RBM20: variants seen among roughly 807,000 people sequenced by gnomAD.
RBM20 encodes the protein RNA binding motif protein 20.
A neutral mutation model predicts 110.1 loss-of-function variants in RBM20; 51 were observed. That is an observed-to-expected ratio of 0.46 (90% CI 0.37 to 0.59). The LOEUF is 0.59. RBM20 is among the 20% of genes least tolerant of loss of function. RBM20 has a pLI of 0.00. For missense variants in RBM20, 1,512 were observed against 1,574.9 expected, an observed-to-expected ratio of 0.96 and a Z score of 0.68; for synonymous variants, 589 against 618.2, an observed-to-expected ratio of 0.95 and a Z score of 0.70.
intron 1 of RBM20, among the ~76,000 whole-genome samples, chr10:110,760,055 G>T (rs1843974922): frequency 6.6e-6 from 1 of 152,170 alleles, no homozygotes; most frequent in Non-Finnish European, 1.5e-5. Context: ...GTACCAAGAA[G>T]CTATCTTGAT....
Position 110,839,141 on chromosome 10 carries a change from G to A in RBM20, c.*3163G>A, listed in dbSNP as rs1845172240. On this transcript the variant is annotated 3_prime_UTR_variant, in exon 14 of 14. Transcript: ENST00000369519. ...CTTTTCATTGTTAACACCCAAAATA[G>A]CATCTATCTAGACAGTATCCCCAAA... is the stretch of plus-strand genomic sequence containing the variant. 3 of 152,178 alleles carry A rather than the reference G, an allele frequency of 2.0e-5. No individual in the cohort carries two copies. Among genetic ancestry groups the A allele is most frequent in the Non-Finnish European group, 4.4e-5 (3 of 68,034 alleles). The allele number at this position is 152,178 out of a possible 1,614,324, so 9.4% of individuals were successfully genotyped here. A position where few individuals can be genotyped will look rare whatever the true frequency, so the allele number is the denominator to read the frequency against.
chr10:110,763,222 C>T (rs955464682), intron 1 of RBM20, among the ~76,000 whole-genome samples: 4 of 152,006 alleles, frequency 2.6e-5, no homozygotes, highest in East Asian at 3.9e-4. Flanking sequence ...TTTTTCAGTG[C>T]GACTATAGAA....
intron 1 of RBM20, among the ~76,000 whole-genome samples, chr10:110,666,477 T>C (rs1862181015): frequency 6.6e-6 from 1 of 152,110 alleles, no homozygotes; most frequent in African/African-American, 2.4e-5. Context: ...ACCCCATGTC[T>C]ACAGAAAGTT....
chr10:110,810,569 C>A, intron 8 of RBM20, 107 bp downstream of exon 8: 1 of 704,114 alleles, frequency 1.4e-6, no homozygotes, highest in Non-Finnish European at 2.3e-6. Flanking sequence ...TGTTCTTGCC[C>A]CTACCCCATC....
intron 5 of RBM20, among the ~76,000 whole-genome samples, chr10:110,791,436 A>C (rs898772964): frequency 6.6e-6 from 1 of 152,206 alleles, no homozygotes; most frequent in African/African-American, 2.4e-5. Flanking sequence ...TGTTGCCCTA[A>C]GCCATATTTT....
intron 12 of RBM20, among the ~76,000 whole-genome samples, chr10:110,829,800 T>G (rs1004593375): frequency 6.6e-6 from 1 of 152,072 alleles, no homozygotes; most frequent in Admixed American, 6.5e-5. Context: ...CCTGTCCCCA[T>G]CCCTGCAAGA....
At chr10:110,822,697 G>A (rs759364027) in intron 11 of RBM20, among the ~76,000 whole-genome samples, 2 of 152,228 alleles carry the variant, frequency 1.3e-5, no homozygotes, top group South Asian at 4.2e-4. Context: ...TGAGAGTCAG[G>A]GGCAGAAAAT....
chr10:110,833,276 C>A (rs1845079245), intron 13 of RBM20, among the ~76,000 whole-genome samples: 2 of 150,346 alleles, frequency 1.3e-5, no homozygotes, highest in Admixed American at 1.3e-4. Flanking sequence ...ATAATCCAAG[C>A]TACTCAGGAG....
intron 1 of RBM20, among the ~76,000 whole-genome samples, chr10:110,751,805 A>T (rs968549180): frequency 6.6e-6 from 1 of 152,140 alleles, no homozygotes; most frequent in African/African-American, 2.4e-5. Context: ...AAAAAACTCT[A>T]TTGATGTTGG....
chr10:110,780,095 T>C (rs1290678004), intron 1 of RBM20, among the ~76,000 whole-genome samples: 2 of 152,134 alleles, frequency 1.3e-5, no homozygotes, highest in Non-Finnish European at 2.9e-5. Flanking sequence ...CCAAGGGAGA[T>C]TTATCGTATT....
At chr10:110,800,099 G>C (rs947678943) in intron 7 of RBM20, among the ~76,000 whole-genome samples, 181 bp downstream of exon 7, 1 of 152,148 alleles carries the variant, frequency 6.6e-6, no homozygotes, top group Non-Finnish European at 1.5e-5. Flanking sequence ...GTGCTCTTGA[G>C]GTAAATACAA....
At chr10:110,823,451 T>TGGC in intron 11 of RBM20, 29 bp from the exon 12 acceptor site, 2 of 1,047,910 alleles carry the variant, frequency 1.9e-6, no homozygotes, top group Non-Finnish European at 2.5e-6. Flanking sequence ...TTTTTTTTTT[T>TGGC]TTTTTTTGCC....
At chr10:110,716,776 G>A (rs1430144789) in intron 1 of RBM20, among the ~76,000 whole-genome samples, 1 of 152,026 alleles carries the variant, frequency 6.6e-6, no homozygotes, top group Non-Finnish European at 1.5e-5. Flanking sequence ...AATTAGCCAG[G>A]TGTGGTGGTG....
At chr10:110,681,214 C>G (rs1467429305) in intron 1 of RBM20, among the ~76,000 whole-genome samples, 1 of 152,230 alleles carries the variant, frequency 6.6e-6, no homozygotes, top group Non-Finnish European at 1.5e-5. Context: ...CCCAGGGACA[C>G]ACTGTCTCCC....
chr10:110,826,580 CTTCTT>C (rs1564666472), intron 12 of RBM20, among the ~76,000 whole-genome samples: 5 of 124,398 alleles, frequency 4.0e-5, no homozygotes, highest in South Asian at 5.4e-4. Context: ...TTTCATTCTT[CTTCTT>C]TTTTTTTTTT....
At chr10:110,660,843 ACCATC>A (rs1229195368) in intron 1 of RBM20, among the ~76,000 whole-genome samples, 1 of 152,132 alleles carries the variant, frequency 6.6e-6, no homozygotes, top group Non-Finnish European at 1.5e-5. Flanking sequence ...TCATCCCTAA[ACCATC>A]CCTTGCCACC....
intron 5 of RBM20, among the ~76,000 whole-genome samples, chr10:110,792,141 G>GTCTA (rs55998629): frequency 0.022 from 3,198 of 147,682 alleles, 40 homozygotes; most frequent in African/African-American, 0.036. Flanking sequence ...TCCTCTATCT[G>GTCTA]TCTATCTATC....
intron 1 of RBM20, among the ~76,000 whole-genome samples, chr10:110,701,031 G>GCAAA (rs888713643): frequency 6.6e-6 from 1 of 151,942 alleles, no homozygotes; most frequent in African/African-American, 2.4e-5. Flanking sequence ...ACAAAACAAA[G>GCAAA]CAAACAAACA....
chr10:110,685,306 A>G (rs538093624), intron 1 of RBM20, among the ~76,000 whole-genome samples: 2 of 152,314 alleles, frequency 1.3e-5, no homozygotes, highest in African/African-American at 4.8e-5. Flanking sequence ...TAAGAGTGGA[A>G]AAGTGCCCTG....
Sources: allele counts gnomAD v4.1 joint callset (sites outside exome capture counted in the v4.1 genomes callset), GRCh38; gene constraint gnomAD v4.1.1; transcripts MANE v1.5; gene names NCBI Gene and HGNC (gene_info 2026-07-23, HGNC 2026-07-21).